Variants in MPPED2 observed in about 807,000 individuals in gnomAD.
MPPED2 encodes metallophosphoesterase domain containing 2.
A neutral mutation model predicts 33.0 loss-of-function variants in MPPED2; 5 were observed. That is an observed-to-expected ratio of 0.15 (90% CI 0.08 to 0.32). The LOEUF is 0.32. Ranked by LOEUF, MPPED2 falls within the 10% of genes least tolerant of loss-of-function variation. The probability of loss-of-function intolerance (pLI) is 1.00; values close to 1 mark genes in which losing one functional copy is unlikely to be tolerated. For missense variants in MPPED2, 275 were observed against 372.1 expected (o/e 0.74, Z 2.15); for synonymous variants, 136 against 141.9 (o/e 0.96, Z 0.29).
exon 7 of MPPED2, chr11:30,384,498 G>C (rs1947679783): frequency 4.2e-5 from 6 of 142,060 alleles, no homozygotes; most frequent in Non-Finnish European, 7.5e-5. Flanking sequence ...TTTTTAGACA[G>C]AGTCTCGCTC....
chr11:30,581,448 G>T (rs538861514), intron 1 of MPPED2, among the ~76,000 whole-genome samples: 73 of 152,288 alleles, frequency 4.8e-4, no homozygotes, highest in South Asian at 1.2e-3. Context: ...TCATGTCCAA[G>T]TTGTTGCAAT....
intron 3 of MPPED2, among the ~76,000 whole-genome samples, chr11:30,522,324 T>C (rs530943105): frequency 4.0e-5 from 6 of 151,142 alleles, no homozygotes; most frequent in African/African-American, 1.5e-4. Flanking sequence ...AAAGATACAT[T>C]GAAATATTTA....
chr11:30,575,820 C>A (rs539041829), intron 2 of MPPED2, among the ~76,000 whole-genome samples: 82 of 152,282 alleles, frequency 5.4e-4, no homozygotes, highest in African/African-American at 1.5e-3. Flanking sequence ...GGATGAGACA[C>A]TCCTAGGCTG....
intron 2 of MPPED2, among the ~76,000 whole-genome samples, chr11:30,563,384 C>T (rs929707815): frequency 6.6e-6 from 1 of 152,126 alleles, no homozygotes; most frequent in Admixed American, 6.5e-5. Context: ...GTTTGGGCTC[C>T]TATCAGAATC....
At chr11:30,510,858 C>A (rs1226115734) in intron 3 of MPPED2, among the ~76,000 whole-genome samples, 3 of 152,212 alleles carry the variant, frequency 2.0e-5, no homozygotes, top group Non-Finnish European at 4.4e-5. Flanking sequence ...TCAAACCCAT[C>A]CAAAGCTTGT....
chr11:30,433,227 C>A (rs1412371614), intron 4 of MPPED2, among the ~76,000 whole-genome samples: 1 of 152,096 alleles, frequency 6.6e-6, no homozygotes, highest in African/African-American at 2.4e-5. Context: ...ATTTTCCCTC[C>A]AATTTTAAGG....
At chr11:30,543,792 CTTTT>C (rs35206591) in intron 2 of MPPED2, among the ~76,000 whole-genome samples, 16,418 of 106,444 alleles carry the variant, frequency 0.15, 1,906 homozygotes, top group African/African-American at 0.36. Context: ...TGGCGTTGTT[CTTTT>C]TTTTTTTTTT....
At chr11:30,579,002 CTT>C (rs57264756) in intron 2 of MPPED2, among the ~76,000 whole-genome samples, 10,292 of 141,000 alleles carry the variant, frequency 0.073, 699 homozygotes, top group African/African-American at 0.19. Flanking sequence ...TTGTCTTTTC[CTT>C]TTTTTTTTTT....
At chr11:30,446,827 G>C (rs1194967602) in intron 4 of MPPED2, among the ~76,000 whole-genome samples, 5 of 152,128 alleles carry the variant, frequency 3.3e-5, no homozygotes, top group Admixed American at 2.6e-4. Context: ...CCAAGTCCCA[G>C]TCTAAAATGA....
chr11:30,467,862 G>T (rs748809304), intron 4 of MPPED2, among the ~76,000 whole-genome samples: 1 of 152,118 alleles, frequency 6.6e-6, no homozygotes, highest in African/African-American at 2.4e-5. Flanking sequence ...GGAACTGTTG[G>T]GGGTAGGAGG....
At chr11:30,455,865 G>A (rs1256284072) in intron 4 of MPPED2, among the ~76,000 whole-genome samples, 1 of 152,196 alleles carries the variant, frequency 6.6e-6, no homozygotes, top group Non-Finnish European at 1.5e-5. Context: ...TCGTTAACCT[G>A]ACAGCCGTTC....
intron 4 of MPPED2, among the ~76,000 whole-genome samples, chr11:30,491,555 A>T (rs543093561): frequency 3.5e-4 from 53 of 152,336 alleles, no homozygotes; most frequent in African/African-American, 1.2e-3. Context: ...CATGCTAAAA[A>T]GTCTTCTATG....
At chr11:30,557,595 A>G (rs752465882) in intron 2 of MPPED2, among the ~76,000 whole-genome samples, 2 of 152,160 alleles carry the variant, frequency 1.3e-5, no homozygotes, top group Non-Finnish European at 2.9e-5. Context: ...TCTTTTAAGG[A>G]AAGGCTACTG....
At chr11:30,480,181 A>G (rs1951415720) in intron 4 of MPPED2, among the ~76,000 whole-genome samples, 1 of 152,114 alleles carries the variant, frequency 6.6e-6, no homozygotes, top group Non-Finnish European at 1.5e-5. Flanking sequence ...GAATCCTGAC[A>G]CTCATTAGTG....
At chr11:30,388,350 C>G (rs531858126) in exon 7 of MPPED2, 1 of 152,742 alleles carries the variant, frequency 6.5e-6, no homozygotes, top group South Asian at 2.1e-4. Context: ...CCTGCCTTGG[C>G]TCCCGGAGGG....
At chr11:30,532,349 T>C (rs1184398472) in intron 3 of MPPED2, among the ~76,000 whole-genome samples, 1 of 152,222 alleles carries the variant, frequency 6.6e-6, no homozygotes, top group Non-Finnish European at 1.5e-5. Context: ...CCTAACATTC[T>C]GTCTGGTTAG....
intron 4 of MPPED2, chr11:30,429,364 T>C (rs549815079): frequency 2.0e-5 from 3 of 152,304 alleles, no homozygotes; most frequent in Admixed American, 6.5e-5. Context: ...GGAGGTCAGA[T>C]GTAAGTTAAA....
At chr11:30,447,842 A>G (rs1260003345) in intron 4 of MPPED2, among the ~76,000 whole-genome samples, 2 of 152,196 alleles carry the variant, frequency 1.3e-5, no homozygotes, top group African/African-American at 2.4e-5. Context: ...TGCTGGAGAT[A>G]CAAGGATCCA....
At chr11:30,466,296 T>TA (rs1950705388) in intron 4 of MPPED2, among the ~76,000 whole-genome samples, 2 of 152,344 alleles carry the variant, frequency 1.3e-5, no homozygotes, top group South Asian at 4.1e-4. Context: ...CAAGGTATGA[T>TA]AGAGTCAGGT....
Sources: gnomAD v4.1 joint callset for allele counts (sites outside exome capture counted in the v4.1 genomes callset) on GRCh38, gnomAD v4.1.1 for gene constraint, MANE v1.5 for transcripts, NCBI Gene and HGNC (gene_info 2026-07-23, HGNC 2026-07-21) for gene names.